The following CDH4 variants were observed in gnomAD, a reference collection of about 807,000 sequenced individuals.
CDH4 encodes cadherin 4.
CDH4 carries 33 observed loss-of-function variants against 86.0 expected under a neutral mutation model. The observed-to-expected ratio is 0.38, with a 90% CI of 0.29 to 0.51. CDH4 has a LOEUF of 0.51. CDH4 is among the 20% of genes least tolerant of loss of function. The probability of loss-of-function intolerance (pLI) is 0.86; values close to 1 mark genes in which losing one functional copy is unlikely to be tolerated. For synonymous variants in CDH4, 555 were observed against 549.4 expected (o/e 1.01, Z -0.14); for missense variants, 1,114 against 1,307.4 (o/e 0.85, Z 2.28).
chr20:61,855,591 T>C (rs1288129011), intron 6 of CDH4, among the ~76,000 whole-genome samples: 1 of 152,218 alleles, frequency 6.6e-6, no homozygotes, highest in Non-Finnish European at 1.5e-5. Flanking sequence ...TCCTGGCCTT[T>C]CTATCACAAA....
rs145855438 is a variant in CDH4 at position 61,807,778 on chromosome 20, A to G, written c.576+34596A>G. ...AGGCCCAGCTAGCTGGGAGTTCTGA[A>G]ATATAGGAAGGGAAGTGATAGGACG... On this transcript the variant is annotated intron_variant, in intron 4 of 15. Coordinates refer to ENST00000614565, the MANE Select transcript of CDH4 (RefSeq NM_001794.5). This position sits in a 1 kb window ranked among gnomAD's most constrained non-coding sequence, Gnocchi z 4.5. Among the ~76,000 whole-genome samples the G allele has an allele frequency of 8.9e-4, 136 of 152,290 alleles. No homozygotes were observed. The highest frequency in any genetic ancestry group is 3.1e-3 in the African/African-American group (130 of 41,570).
rs1200026737 is a variant in CDH4, at chr20:61,564,038, CCT to C, written c.170-179520_170-179519del. Among the ~76,000 whole-genome samples the C allele has an allele frequency of 3.3e-5, 5 of 152,152 alleles. No homozygotes were observed. In the East Asian group the frequency reaches 7.7e-4, roughly 24 times the overall value. ...TCTCTGTCCGTCCCTCAATGCACCT[CCT>C]CTCTGTCGTCACTGCCCTCAGTCTC... is the stretch of plus-strand genomic sequence containing the variant. On this transcript the variant is annotated intron_variant, in intron 2 of 15. Transcript: ENST00000614565.
At chr20:61,504,978 T>C (rs2085730313) in intron 2 of CDH4, among the ~76,000 whole-genome samples, 3 of 152,080 alleles carry the variant, frequency 2.0e-5, no homozygotes, top group Admixed American at 2.0e-4. Context: ...GCGCTGCAAA[T>C]GTTGGGGAGG....
chr20:61,539,725 C>T (rs1360504807), intron 2 of CDH4, among the ~76,000 whole-genome samples: 2 of 152,194 alleles, frequency 1.3e-5, no homozygotes, highest in African/African-American at 2.4e-5. Context: ...GCTTGGGGCT[C>T]CTGGTGGTGT....
In CDH4 at chr20:61,516,092, C is replaced by T. The variant is rs1410386005; in HGVS notation, c.170-227471C>T. 6.6e-6 allele frequency among the ~76,000 whole-genome samples: 1 copy of T among 152,192 alleles called. No homozygotes were observed. Among genetic ancestry groups the T allele is most frequent in the East Asian group, 1.9e-4 (1 of 5,176 alleles). ...GCAGCTCCCTCACCACAGGGGCTCG[C>T]CTCGTGCTCTGCGTTGCACTGGCAG... On this transcript the variant is annotated intron_variant, in intron 2 of 15. Coordinates refer to ENST00000614565, the MANE Select transcript of CDH4 (RefSeq NM_001794.5). This position sits in a 1 kb window ranked among gnomAD's most constrained non-coding sequence, Gnocchi z 4.0.
chr20:61,717,531 A>G, intron 2 of CDH4: 1 of 152,046 alleles, frequency 6.6e-6, no homozygotes, highest in African/African-American at 2.4e-5. Context: ...CCTGTCACCG[A>G]AGCTGGAGTG....
chr20:61,687,171 A>G (rs2087592180), intron 2 of CDH4, among the ~76,000 whole-genome samples: 1 of 152,138 alleles, frequency 6.6e-6, no homozygotes, highest in South Asian at 2.1e-4. Flanking sequence ...AAGCAACCAC[A>G]CCCTTTCCAG....
At position 61,862,089 on chromosome 20, in the gene CDH4, G is replaced by C. The variant is rs114298978; in HGVS notation, c.877+9191G>C. Among the ~76,000 whole-genome samples the C allele has an allele frequency of 5.2e-3, 789 of 152,298 alleles. 11 individuals carry two copies. The highest frequency in any genetic ancestry group is 0.018 in the African/African-American group (731 of 41,562). On this transcript the variant is annotated intron_variant, in intron 6 of 15. Transcript: ENST00000614565. ...CAGGGCGCTGTCCCCCACGCTCTGC[G>C]CCAGCTCCTTTCCTCCTGCAGCTCA...
intron 3 of CDH4, among the ~76,000 whole-genome samples, chr20:61,769,859 T>G (rs1941399954): frequency 6.6e-6 from 1 of 152,192 alleles, no homozygotes; most frequent in Admixed American, 6.5e-5. Context: ...CATCAAAGCT[T>G]AGAGCATATC....
At chr20:61,568,772 C>T (rs2086320007) in intron 2 of CDH4, among the ~76,000 whole-genome samples, 1 of 152,172 alleles carries the variant, frequency 6.6e-6, no homozygotes, top group African/African-American at 2.4e-5. Flanking sequence ...TAGGCTTGAG[C>T]TGTGCTCTTC....
intron 2 of CDH4, among the ~76,000 whole-genome samples, chr20:61,469,625 A>G (rs2085491343): frequency 6.6e-6 from 1 of 152,120 alleles, no homozygotes; most frequent in African/African-American, 2.4e-5. Context: ...TATTCAAGAA[A>G]TCTTTGCCCA....
At chr20:61,639,430 G>A (rs1242196697) in intron 2 of CDH4, among the ~76,000 whole-genome samples, 1 of 152,240 alleles carries the variant, frequency 6.6e-6, no homozygotes, top group African/African-American at 2.4e-5. Context: ...GATTGTGTAA[G>A]ATGGCTGCTC....
intron 2 of CDH4, among the ~76,000 whole-genome samples, chr20:61,683,652 G>T (rs1194353209): frequency 1.3e-5 from 2 of 152,228 alleles, no homozygotes; most frequent in African/African-American, 4.8e-5. Flanking sequence ...ATACTTTGTT[G>T]ATAGAATGAG....
chr20:61,522,226 AC>A (rs1240547376), intron 2 of CDH4, among the ~76,000 whole-genome samples: 5 of 151,480 alleles, frequency 3.3e-5, no homozygotes, highest in African/African-American at 1.2e-4. Context: ...ATACCCCCTC[AC>A]CCCTAGCTTA....
chr20:61,326,007 C>T (rs932560549), intron 2 of CDH4, among the ~76,000 whole-genome samples: 1 of 152,204 alleles, frequency 6.6e-6, no homozygotes, highest in Non-Finnish European at 1.5e-5. Flanking sequence ...AAGTGAGGAG[C>T]TGCCTGTCCT....
chr20:61,538,568 G>C (rs1423952804), intron 2 of CDH4, among the ~76,000 whole-genome samples: 1 of 152,178 alleles, frequency 6.6e-6, no homozygotes, highest in Non-Finnish European at 1.5e-5. Context: ...GTCCCTGCTG[G>C]TGCCTCCTGG....
intron 6 of CDH4, among the ~76,000 whole-genome samples, chr20:61,868,267 G>C (rs1983638637): frequency 6.6e-6 from 1 of 152,182 alleles, no homozygotes; most frequent in South Asian, 2.1e-4. Context: ...GTGTTCCGTG[G>C]TACAGAGACG....
chr20:61,265,097 C>T (rs2084150117), intron 2 of CDH4, among the ~76,000 whole-genome samples: 1 of 151,330 alleles, frequency 6.6e-6, no homozygotes, highest in Non-Finnish European at 1.5e-5. Flanking sequence ...TCAGTGGCTC[C>T]TTCATTCAAT....
At chr20:61,881,969 A>T (rs1172891282) in intron 7 of CDH4, among the ~76,000 whole-genome samples, 1 of 152,238 alleles carries the variant, frequency 6.6e-6, no homozygotes, top group Non-Finnish European at 1.5e-5. Flanking sequence ...ATGGAGACCG[A>T]GGCAGAGACC....
Sources: allele counts gnomAD v4.1 joint callset (sites outside exome capture counted in the v4.1 genomes callset), GRCh38; gene constraint gnomAD v4.1.1; non-coding constraint Gnocchi (gnomAD v3.1); transcripts MANE v1.5; gene names NCBI Gene and HGNC (gene_info 2026-07-23, HGNC 2026-07-21).